Variants in WTIP observed in about 807,000 individuals in gnomAD.
WTIP encodes the protein Wilms tumor protein 1-interacting protein.
WTIP carries 23 observed loss-of-function variants against 41.7 expected under a neutral mutation model. The ratio of observed to expected loss-of-function variants is 0.55; its 90% CI spans 0.40 to 0.78. The LOEUF (loss-of-function observed/expected upper bound fraction) is 0.78. Ranked by LOEUF, WTIP falls within the 30% of genes least tolerant of loss-of-function variation. The pLI is 0.00. For missense variants in WTIP, 619 were observed against 610.5 expected, an observed-to-expected ratio of 1.01 and a Z score of -0.15; for synonymous variants, 314 against 269.9, an observed-to-expected ratio of 1.16 and a Z score of -1.60.
intron 1 of WTIP, among the ~76,000 whole-genome samples, chr19:34,488,124 G>A (rs2075807185): frequency 6.6e-6 from 1 of 151,936 alleles, no homozygotes; most frequent in Non-Finnish European, 1.5e-5. Context: ...CGGCCAGGCT[G>A]GAGTGCAGTG....
chr19:34,511,398 T>A lies in WTIP; in HGVS notation c.*11129T>A, dbSNP rs1050093985. 1 of 152,030 alleles carries A rather than the reference T, an allele frequency of 6.6e-6. No individual in the cohort carries two copies. The highest frequency in any genetic ancestry group is 2.4e-5 in the African/African-American group (1 of 41,386). The allele number at this position is 152,030 out of a possible 1,614,324, so 9.4% of individuals were successfully genotyped here. ...GGGTCCCTCCCACAACACGTGAGAA[T>A]TATGGGAGTACAATTCAAGATGAGA... On this transcript the variant is annotated 3_prime_UTR_variant, in exon 8 of 8. Transcript: ENST00000590071.
intron 1 of WTIP, among the ~76,000 whole-genome samples, chr19:34,487,740 G>C (rs1461894079): frequency 1.3e-5 from 2 of 152,014 alleles, no homozygotes; most frequent in East Asian, 1.9e-4. Flanking sequence ...AAAGCAAGAA[G>C]GTCGGGGGAG....
Position 34,510,845 on chromosome 19 carries a change from A to G in WTIP, c.*10576A>G, listed in dbSNP as rs2075930299. The G allele has an allele frequency of 1.3e-5, 2 of 152,254 alleles. No individual in the cohort carries two copies. The allele number at this position is 152,254 out of a possible 1,614,324, so 9.4% of individuals were successfully genotyped here. ...CCGCCAATCTCTTTGCTTAAACATA[A>G]CAAGAATCACCTTTGCTCCAGTTCC... On this transcript the variant is annotated 3_prime_UTR_variant, in exon 8 of 8. Transcript: ENST00000590071.
At chr19:34,498,916 C>T (rs1184204579) in intron 7 of WTIP, among the ~76,000 whole-genome samples, 3 of 147,586 alleles carry the variant, frequency 2.0e-5, no homozygotes, top group African/African-American at 7.5e-5. Context: ...CAAAAAACCC[C>T]ATCACGTTTG....
In WTIP at chr19:34,495,743, A is replaced by G. The variant is rs757487695; in HGVS notation, c.1124A>G (p.Asp375Gly). The G allele has an allele frequency of 1.2e-6, 2 of 1,613,904 alleles. No individual in the cohort carries two copies. Among genetic ancestry groups the G allele is most frequent in the Non-Finnish European group, 1.7e-6 (2 of 1,179,972 alleles). ...ATCCGTGTGGTGTCCATGGACAGAG[A>G]CTACCACGTGGCATGTTACCACTGT... ...TTIRVVSMDR[D>G]YHVACYHCED... Residue 375 changes from aspartate (D) to glycine (G), a missense_variant, in exon 7 of 8, where the codon GAC (aspartate) becomes GGC (glycine). This residue lies in a region of WTIP where 92 missense variants were observed against 82.4 expected (regional missense o/e 1.12). Coordinates refer to ENST00000590071, the MANE Select transcript of WTIP (RefSeq NM_001080436.2).
In WTIP at chr19:34,506,803, T is replaced by TAC. The variant is rs2075913641; in HGVS notation, c.*6535_*6536insCA. On this transcript the variant is annotated 3_prime_UTR_variant, in exon 8 of 8. Coordinates refer to ENST00000590071, the MANE Select transcript of WTIP (RefSeq NM_001080436.2). Reference sequence around the variant, plus strand: ...AAATAAATAAATAAATAAATGAATATAAATAAAACTGGTTAAAAATTGAGT... The same window carrying TAC: ...AAATAAATAAATAAATAAATGAATATACAAATAAAACTGGTTAAAAATTGAGT... The TAC allele has an allele frequency of 6.7e-6, 1 of 148,682 alleles. No individual in the cohort carries two copies. Among genetic ancestry groups the TAC allele is most frequent in the African/African-American group, 2.6e-5 (1 of 39,140 alleles). The allele number at this position is 148,682 out of a possible 1,614,324, so 9.2% of individuals were successfully genotyped here. A position where few individuals can be genotyped will look rare whatever the true frequency, so the allele number is the denominator to read the frequency against.
At chr19:34,499,062 A>T (rs1056285681) in intron 7 of WTIP, among the ~76,000 whole-genome samples, 10 of 151,586 alleles carry the variant, frequency 6.6e-5, no homozygotes, top group African/African-American at 2.4e-4. Context: ...CAAGGGGAAA[A>T]AAATTAGCCG....
intron 2 of WTIP, among the ~76,000 whole-genome samples, chr19:34,492,713 A>G (rs2075831888): frequency 6.7e-6 from 1 of 149,734 alleles, no homozygotes; most frequent in Admixed American, 6.7e-5. Context: ...AAAAAGATTC[A>G]TTCCCGAAAA....
At chr19:34,491,006 T>A (rs1185405114) in intron 2 of WTIP, among the ~76,000 whole-genome samples, 3 of 151,380 alleles carry the variant, frequency 2.0e-5, no homozygotes, top group South Asian at 2.1e-4. Flanking sequence ...TTTTTTTTTT[T>A]AGGTAGAGAT....
intron 1 of WTIP, among the ~76,000 whole-genome samples, chr19:34,486,202 T>C (rs959014518): frequency 3.3e-5 from 5 of 151,970 alleles, no homozygotes; most frequent in Admixed American, 2.6e-4. Flanking sequence ...GTAATCGCCG[T>C]CTGCCCAGCA....
chr19:34,490,615 G>C, intron 2 of WTIP, 138 bp downstream of exon 2: 2 of 927,400 alleles, frequency 2.2e-6, no homozygotes, highest in Admixed American at 2.3e-5. Context: ...GGAGGACTCT[G>C]TCTGGGGAGG....
At chr19:34,492,294 T>C (rs1303621783) in intron 2 of WTIP, among the ~76,000 whole-genome samples, 9 of 149,552 alleles carry the variant, frequency 6.0e-5, no homozygotes, top group African/African-American at 2.0e-4. Context: ...TTTTTTTTTT[T>C]CCTAGAGACA....
intron 1 of WTIP, among the ~76,000 whole-genome samples, chr19:34,487,800 G>A (rs2075805238): frequency 6.6e-6 from 1 of 151,150 alleles, no homozygotes; most frequent in Admixed American, 6.6e-5. Flanking sequence ...GAGGGCAGGT[G>A]GAGGCCATCT....
At chr19:34,489,185 C>G (rs11882262) in intron 1 of WTIP, among the ~76,000 whole-genome samples, 3 of 121,798 alleles carry the variant, frequency 2.5e-5, no homozygotes, top group Non-Finnish European at 3.2e-5. Flanking sequence ...GGCGACAGAG[C>G]GAGACTCTAT....
chr19:34,511,018 C>G lies in WTIP; in HGVS notation c.*10749C>G, dbSNP rs1466800657. The G allele has an allele frequency of 6.6e-6, 1 of 152,296 alleles. No homozygotes were observed. The highest frequency in any genetic ancestry group is 1.5e-5 in the Non-Finnish European group (1 of 68,100). 9.4% of individuals were successfully genotyped at this position (152,296 alleles called of 1,614,324 possible). The stretch of plus-strand genomic sequence containing the variant: ...CCTATATTCTTCTGAGCCCTCCAAA[C>G]TGTTCCAACCTCTGCCTGTTACCCA... On this transcript the variant is annotated 3_prime_UTR_variant, in exon 8 of 8. Transcript: ENST00000590071.
rs1208037006 is a variant in WTIP, at chr19:34,506,791, A to AATAAAT, written c.*6523_*6528dup. 17 of 149,988 alleles carry AATAAAT rather than the reference A, an allele frequency of 1.1e-4. 1 individual carries two copies. The highest frequency in any genetic ancestry group is 4.2e-4 in the African/African-American group (17 of 40,630). 9.3% of individuals were successfully genotyped at this position (149,988 alleles called of 1,614,324 possible). A position where few individuals can be genotyped will look rare whatever the true frequency, so the allele number is the denominator to read the frequency against. ...AAATAAATAAATAAATAAATAAATA[A>AATAAAT]ATAAATGAATATAAATAAAACTGGT... On this transcript the variant is annotated 3_prime_UTR_variant, in exon 8 of 8. Transcript: ENST00000590071.
In WTIP at chr19:34,500,249, G is replaced by T; in HGVS notation, c.1273G>T (p.Val425Leu). 6.2e-7 allele frequency: 1 copy of T among 1,608,442 alleles called. No individual in the cohort carries two copies. The highest frequency in any genetic ancestry group is 8.5e-7 in the Non-Finnish European group (1 of 1,179,364). The change falls in exon 8 of 8, where the codon GTG becomes TTG. Residue 425 changes from valine to leucine, a missense_variant. By Grantham distance (32) the Val-to-Leu change is conservative (BLOSUM62 1). Around this residue, in one of 3 missense-constraint regions of WTIP, gnomAD observed 92 missense variants for 82.4 expected, o/e 1.12. Transcript: ENST00000590071. The part of the protein sequence containing the change: ...LQPGPLPSPT[V>L]HVTEL Reference sequence around the variant, plus strand: ...ACCTGGGCCTCTTCCCTCACCCACTGTGCACGTCACTGAGCTCTGAGCAGG... The same window carrying T: ...ACCTGGGCCTCTTCCCTCACCCACTTTGCACGTCACTGAGCTCTGAGCAGG...
chr19:34,494,454 C>T (rs1384693138), intron 5 of WTIP, 132 bp from the exon 6 acceptor site: 26 of 810,712 alleles, frequency 3.2e-5, no homozygotes, highest in East Asian at 2.4e-4. Context: ...CTGTCTGCCC[C>T]GAGGTGTGCA....
intron 1 of WTIP, among the ~76,000 whole-genome samples, chr19:34,482,986 CTTT>C (rs57931235): frequency 7.3e-6 from 1 of 136,792 alleles, no homozygotes; most frequent in Non-Finnish European, 1.5e-5. Context: ...CTTCTTTCTT[CTTT>C]TTTTTTTTTC....
Sources: allele counts gnomAD v4.1 joint callset (sites outside exome capture counted in the v4.1 genomes callset), GRCh38; gene constraint gnomAD v4.1.1; regional missense constraint gnomAD v4.1.1; transcripts MANE v1.5; gene names NCBI Gene and HGNC (gene_info 2026-07-23, HGNC 2026-07-21).